Variants in RBM26 observed in about 807,000 individuals in gnomAD.
The protein encoded by RBM26 is RNA binding motif protein 26.
Under a neutral mutation model 123.6 loss-of-function variants are expected in RBM26, and 30 were observed. That is an observed-to-expected ratio of 0.24 (90% confidence interval 0.18 to 0.33). The LOEUF is 0.33. RBM26 is among the 10% of genes least tolerant of loss of function. The pLI is 1.00. For synonymous variants in RBM26, 400 were observed against 404.4 expected (o/e 0.99, Z 0.13); for missense variants, 947 against 1,203.6 (o/e 0.79, Z 3.15).
chr13:79,318,141 G>A (rs116252050), downstream of RBM26, among the ~76,000 whole-genome samples: 45 of 151,472 alleles, frequency 3.0e-4, no homozygotes, highest in African/African-American at 9.9e-4. Context: ...TGACCAAGTA[G>A]TCTGCTAATT....
intron 10 of RBM26, among the ~76,000 whole-genome samples, chr13:79,359,347 A>G (rs2074394369): frequency 6.6e-6 from 1 of 152,178 alleles, no homozygotes. Flanking sequence ...AGGGTAAATG[A>G]TAAGAGGAAA....
intron 20 of RBM26, among the ~76,000 whole-genome samples, chr13:79,328,865 G>C (rs2068853466): frequency 6.6e-6 from 1 of 151,118 alleles, no homozygotes; most frequent in African/African-American, 2.4e-5. Flanking sequence ...ATTTCAGTTT[G>C]ATAAACTGAA....
chr13:79,355,669 T>C (rs922032723), intron 11 of RBM26, among the ~76,000 whole-genome samples: 2 of 152,202 alleles, frequency 1.3e-5, no homozygotes, highest in Admixed American at 1.3e-4. Flanking sequence ...TTCCCAATTT[T>C]AATAGCAACT....
intron 18 of RBM26, among the ~76,000 whole-genome samples, chr13:79,338,451 G>A (rs1330152523): frequency 1.3e-5 from 2 of 152,130 alleles, no homozygotes; most frequent in Non-Finnish European, 2.9e-5. Flanking sequence ...AAGAAAAAAG[G>A]CAAGAATGAG....
Position 79,319,006 on chromosome 13 carries a change from G to C in RBM26, c.*1615C>G, listed in dbSNP as rs2067397858. The C allele has an allele frequency of 1.0e-5, 10 of 981,170 alleles. No homozygotes were observed. In the South Asian group the frequency reaches 4.2e-4, roughly 42 times the overall value. 60.8% of individuals were successfully genotyped at this position (981,170 alleles called of 1,614,324 possible). ...TAAAAATAGTGACTTTTTGAGCAAA[G>C]TCACTATTTTGACAACTGAAATCTG... On this transcript the variant is annotated 3_prime_UTR_variant, in exon 22 of 22. Coordinates refer to ENST00000438737, the MANE Select transcript of RBM26 (RefSeq NM_001366735.2).
At chr13:79,325,602 G>A (rs2138521018) in intron 20 of RBM26, among the ~76,000 whole-genome samples, 1 of 152,242 alleles carries the variant, frequency 6.6e-6, no homozygotes, top group East Asian at 1.9e-4. Context: ...TCTGTTTTAT[G>A]CTAAGTGGCG....
intron 1 of RBM26, among the ~76,000 whole-genome samples, chr13:79,388,597 A>G (rs1045527026): frequency 3.3e-5 from 5 of 152,324 alleles, no homozygotes; most frequent in Non-Finnish European, 7.3e-5. Context: ...AACTTCATGT[A>G]TTCTCACAGA....
chr13:79,377,721 G>C (rs1170813212), intron 2 of RBM26, among the ~76,000 whole-genome samples: 1 of 152,112 alleles, frequency 6.6e-6, no homozygotes, highest in East Asian at 1.9e-4. Context: ...GAGGTCAGGA[G>C]TTCAAAACCA....
intron 6 of RBM26, 61 bp downstream of exon 6, chr13:79,368,668 CA>C: frequency 6.7e-7 from 1 of 1,500,746 alleles, no homozygotes; most frequent in Non-Finnish European, 9.1e-7. Context: ...ACAACATAAA[CA>C]CAGAATTTAG....
chr13:79,374,326 G>A (rs572861062), intron 3 of RBM26, among the ~76,000 whole-genome samples: 1 of 152,112 alleles, frequency 6.6e-6, no homozygotes, highest in South Asian at 2.1e-4. Context: ...AAAATTAGCT[G>A]GGCATGGTGG....
intron 1 of RBM26, among the ~76,000 whole-genome samples, chr13:79,400,914 A>G (rs1478516105): frequency 2.0e-5 from 3 of 152,238 alleles, no homozygotes; most frequent in African/African-American, 7.2e-5. Context: ...CAAAAAATTA[A>G]AAGTCTGACT....
intron 18 of RBM26, among the ~76,000 whole-genome samples, chr13:79,339,816 C>T (rs7332367): frequency 0.48 from 72,650 of 151,926 alleles, 17,963 homozygotes; most frequent in East Asian, 0.72. Context: ...AGCCTAAGAA[C>T]CTTTTTTCAC....
chr13:79,372,666 A>C (rs2076019887), intron 3 of RBM26, among the ~76,000 whole-genome samples: 2 of 146,402 alleles, frequency 1.4e-5, no homozygotes, highest in Admixed American at 6.9e-5. Flanking sequence ...CCAAGTCATA[A>C]ATACATACAC....
chr13:79,333,772 T>G (rs2069827649), intron 20 of RBM26, among the ~76,000 whole-genome samples: 1 of 152,078 alleles, frequency 6.6e-6, no homozygotes, highest in Non-Finnish European at 1.5e-5. Context: ...GAAAGACAAT[T>G]CAAGATTGAT....
chr13:79,323,735 G>A (rs2067991531), intron 20 of RBM26, among the ~76,000 whole-genome samples: 1 of 151,618 alleles, frequency 6.6e-6, no homozygotes, highest in African/African-American at 2.4e-5. Context: ...TCAGCACACA[G>A]CTCCTCAAAT....
At position 79,387,302 on chromosome 13, in the gene RBM26, T is replaced by A. The variant is rs199713457; in HGVS notation, c.72-8395A>T. 2.7e-3 allele frequency among the ~76,000 whole-genome samples: 386 copies of A among 140,502 alleles called. 2 individuals carry two copies. The highest frequency in any genetic ancestry group is 9.1e-3 in the African/African-American group (349 of 38,236). The allele number at this position is 140,502 out of a possible 152,430, so 92.2% of individuals were successfully genotyped here. ...AATAATGAACTATGATAAAAAAAAA[T>A]GCCTATAATCACCCCTAAAAATATA... On this transcript the variant is annotated intron_variant, in intron 1 of 21. Coordinates refer to ENST00000438737, the MANE Select transcript of RBM26 (RefSeq NM_001366735.2).
At position 79,320,598 on chromosome 13, in the gene RBM26, A is replaced by G. The variant is rs1479015299; in HGVS notation, c.*23T>C. The G allele has an allele frequency of 1.3e-6, 2 of 1,571,168 alleles. No individual in the cohort carries two copies. Among genetic ancestry groups the G allele is most frequent in the East Asian group, 4.5e-5 (2 of 44,214 alleles). ...TGAAACACAGGTAGAGTTCTAGCAT[A>G]TGCAGATCAATGATCAGTCAAATCA... On this transcript the variant is annotated 3_prime_UTR_variant, in exon 22 of 22. Transcript: ENST00000438737.
chr13:79,324,274 G>A (rs1467800541), intron 20 of RBM26, among the ~76,000 whole-genome samples: 4 of 151,622 alleles, frequency 2.6e-5, no homozygotes, highest in Non-Finnish European at 5.9e-5. Context: ...TAACTTCATG[G>A]TTAAATTATT....
chr13:79,314,811 T>G (rs751533752), downstream of RBM26: 21 of 354,274 alleles, frequency 5.9e-5, no homozygotes, highest in Non-Finnish European at 1.0e-4. Flanking sequence ...TGGACTCAGA[T>G]GTACTCTTAG....
Sources: gnomAD v4.1 joint callset for allele counts (sites outside exome capture counted in the v4.1 genomes callset) on GRCh38, gnomAD v4.1.1 for gene constraint, MANE v1.5 for transcripts, NCBI Gene and HGNC (gene_info 2026-07-23, HGNC 2026-07-21) for gene names.